MAN1A1: variants seen among roughly 807,000 people sequenced by gnomAD.
MAN1A1 encodes mannosidase alpha class 1A member 1, also known as mannosyl-oligosaccharide 1,2-alpha-mannosidase IA.
In MAN1A1, 29 loss-of-function variants were observed where a neutral mutation model predicts 70.8. The ratio of observed to expected loss-of-function variants is 0.41; its 90% CI spans 0.31 to 0.56. The LOEUF (loss-of-function observed/expected upper bound fraction) is 0.56, where lower values mean the gene tolerates loss of function less well. Among genes scored for constraint, MAN1A1 ranks in the 20% least tolerant of loss-of-function variants. The pLI is 0.29. For missense variants in MAN1A1, 747 were observed against 841.3 expected (o/e 0.89, Z 1.39); for synonymous variants, 349 against 330.1 (o/e 1.06, Z -0.62).
chr6:119,219,248 A>G (rs1774292100), intron 6 of MAN1A1, among the ~76,000 whole-genome samples: 1 of 152,250 alleles, frequency 6.6e-6, no homozygotes, highest in African/African-American at 2.4e-5. Flanking sequence ...AGAAGGGAAA[A>G]TCATTGCATT....
At chr6:119,206,860 C>T (rs924188051) in intron 6 of MAN1A1, among the ~76,000 whole-genome samples, 11 of 152,196 alleles carry the variant, frequency 7.2e-5, no homozygotes, top group Middle Eastern at 3.4e-3. Context: ...AACAAAGCTG[C>T]GACATAAGGC....
chr6:119,241,250 GAGTTA>G (rs1290614048), intron 6 of MAN1A1, among the ~76,000 whole-genome samples: 1 of 152,136 alleles, frequency 6.6e-6, no homozygotes, highest in African/African-American at 2.4e-5. Flanking sequence ...AAACTGCTTA[GAGTTA>G]AGTGGAAACT....
At chr6:119,275,253 G>A (rs1394246784) in intron 5 of MAN1A1, among the ~76,000 whole-genome samples, 1 of 135,022 alleles carries the variant, frequency 7.4e-6, no homozygotes, top group Non-Finnish European at 1.6e-5. Flanking sequence ...TGGGATTGCA[G>A]GCATGCACCA....
intron 5 of MAN1A1, among the ~76,000 whole-genome samples, chr6:119,285,154 A>T (rs1171978630): frequency 1.0e-4 from 9 of 88,674 alleles, no homozygotes; most frequent in South Asian, 5.7e-4. Context: ...TTTTTTTTTT[A>T]AAGTAGAGAC....
intron 5 of MAN1A1, among the ~76,000 whole-genome samples, chr6:119,282,494 A>G (rs1466937041): frequency 1.3e-5 from 2 of 152,216 alleles, no homozygotes; most frequent in Admixed American, 6.5e-5. Context: ...TTTACCAATC[A>G]TAATGGAATA....
intron 2 of MAN1A1, among the ~76,000 whole-genome samples, chr6:119,343,785 A>C (rs1415613975): frequency 6.6e-6 from 1 of 152,204 alleles, no homozygotes; most frequent in East Asian, 1.9e-4. Flanking sequence ...TTGACTAATC[A>C]AACCCTTCTT....
chr6:119,223,131 G>C (rs1393538615), intron 6 of MAN1A1, among the ~76,000 whole-genome samples: 1 of 151,984 alleles, frequency 6.6e-6, no homozygotes, highest in African/African-American at 2.4e-5. Flanking sequence ...AATATTTTGT[G>C]AACAAAATTA....
intron 9 of MAN1A1, among the ~76,000 whole-genome samples, chr6:119,190,206 GT>G (rs1773405941): frequency 6.6e-6 from 1 of 152,178 alleles, no homozygotes; most frequent in Non-Finnish European, 1.5e-5. Context: ...GTAATAGTTG[GT>G]TTGGTACATT....
intron 6 of MAN1A1, among the ~76,000 whole-genome samples, chr6:119,236,153 A>G (rs1774839148): frequency 7.1e-6 from 1 of 141,100 alleles, no homozygotes; most frequent in South Asian, 2.3e-4. Flanking sequence ...AAAAAAAAAG[A>G]ATTATGCTAA....
At chr6:119,277,124 GTTTAT>G in intron 5 of MAN1A1, among the ~76,000 whole-genome samples, 1 of 152,204 alleles carries the variant, frequency 6.6e-6, no homozygotes, top group East Asian at 1.9e-4. Flanking sequence ...CAAGGCTTAT[GTTTAT>G]TTTATTATCA....
intron 6 of MAN1A1, among the ~76,000 whole-genome samples, chr6:119,209,658 T>C (rs17442217): frequency 0.028 from 4,272 of 152,308 alleles, 95 homozygotes; most frequent in Non-Finnish European, 0.045. Context: ...TCAAAGTGAA[T>C]TGATTTTTAG....
At chr6:119,344,166 A>G (rs1410843068) in intron 2 of MAN1A1, among the ~76,000 whole-genome samples, 2 of 152,180 alleles carry the variant, frequency 1.3e-5, no homozygotes, top group Non-Finnish European at 2.9e-5. Context: ...TTGTTTGAAA[A>G]TATTTTTTAA....
chr6:119,292,908 C>T (rs1022868), intron 4 of MAN1A1, among the ~76,000 whole-genome samples: 58,378 of 151,714 alleles, frequency 0.38, 11,693 homozygotes, highest in African/African-American at 0.41. Context: ...GCGAAGCTAA[C>T]CCATGTATTT....
intron 2 of MAN1A1, among the ~76,000 whole-genome samples, chr6:119,331,570 C>CATATATATATAT (rs10562938): frequency 0.053 from 6,246 of 117,456 alleles, 251 homozygotes; most frequent in Non-Finnish European, 0.076. Flanking sequence ...ACATATTATG[C>CATATATATATAT]ATATATATAT....
chr6:119,260,558 T>C (rs1017654628), intron 5 of MAN1A1, among the ~76,000 whole-genome samples: 1 of 152,246 alleles, frequency 6.6e-6, no homozygotes, highest in East Asian at 1.9e-4. Context: ...AGGGTCAAAG[T>C]AGCCATAGAC....
In MAN1A1 at chr6:119,348,391, G is replaced by A. The variant is rs373202242; in HGVS notation, c.603+72C>T. The A allele has an allele frequency of 2.9e-5, 41 of 1,413,168 alleles. No homozygotes were observed. The African/African-American group carries it at 5.3e-4, about 18-fold the overall frequency. The allele number at this position is 1,413,168 out of a possible 1,614,324, so 87.5% of individuals were successfully genotyped here. ...ACATTGCATTGTTGCAGTCTTCAGA[G>A]TTTCAAAGGCTTGCCGTTTCTCCCT... On this transcript the variant is annotated intron_variant, in intron 2 of 12. Transcript: ENST00000368468.
chr6:119,287,644 CAAGA>C (rs1776413464), intron 5 of MAN1A1, among the ~76,000 whole-genome samples: 1 of 151,544 alleles, frequency 6.6e-6, no homozygotes, highest in Admixed American at 6.6e-5. Flanking sequence ...TCTGAATTTC[CAAGA>C]AAGAATACAG....
In MAN1A1 at chr6:119,189,877, C is replaced by G; in HGVS notation, c.1333G>C (p.Glu445Gln). Residue 445 changes from glutamate to glutamine, a missense_variant, in exon 10 of 13, where the codon GAG becomes CAG. Physicochemically the swap from Glu to Gln is conservative, Grantham distance 29 (BLOSUM62 2). Coordinates refer to ENST00000368468, the MANE Select transcript of MAN1A1 (RefSeq NM_005907.4). The part of the protein sequence containing the change: ...KMYFDAVQAI[E>Q]THLIRKSSSG... ...CTAGACTTGCGGATCAAATGAGTCT[C>G]GATAGCCTGTGAAAAACACTTATTT... The G allele has an allele frequency of 6.2e-7, 1 of 1,611,582 alleles. No individual in the cohort carries two copies. Among genetic ancestry groups the G allele is most frequent in the East Asian group, 2.2e-5 (1 of 44,792 alleles).
intron 5 of MAN1A1, among the ~76,000 whole-genome samples, chr6:119,279,524 C>T (rs979758293): frequency 1.3e-5 from 2 of 152,198 alleles, no homozygotes; most frequent in African/African-American, 4.8e-5. Context: ...CTGTCCAGAA[C>T]CTCTACCATG....
Sources: allele counts gnomAD v4.1 joint callset (sites outside exome capture counted in the v4.1 genomes callset), GRCh38; gene constraint gnomAD v4.1.1; transcripts MANE v1.5; gene names NCBI Gene and HGNC (gene_info 2026-07-23, HGNC 2026-07-21).